The following PCDH19 variants were observed in gnomAD, a reference collection of about 807,000 sequenced individuals.
PCDH19 encodes the protein protocadherin 19.
In PCDH19, 6 loss-of-function variants were observed where a neutral mutation model predicts 46.2. That is an observed-to-expected ratio of 0.13 (90% CI 0.07 to 0.26). PCDH19 has a LOEUF of 0.26. Ranked by LOEUF, PCDH19 falls within the 10% of genes least tolerant of loss-of-function variation. The pLI is 1.00. For missense variants in PCDH19, 740 were observed against 972.3 expected (o/e 0.76, Z 3.18); for synonymous variants, 481 against 415.7 (o/e 1.16, Z -1.91).
At chrX:100,379,324 CACACACACACACACACACACACA>C (rs1056974620) in intron 3 of PCDH19, among the ~76,000 whole-genome samples, 3 of 4,369 alleles carry the variant, frequency 6.9e-4, no homozygotes, top group African/African-American at 7.3e-4. Flanking sequence ...CACACACACA[CACACACACACACACACACACACA>C]CATTTCCTCC....
At chrX:100,380,577 C>T (rs770386323) in intron 3 of PCDH19, among the ~76,000 whole-genome samples, 4 of 111,461 alleles carry the variant, frequency 3.6e-5, no homozygotes, top group Non-Finnish European at 5.7e-5. Flanking sequence ...GTAAAGCAAA[C>T]TAAACTATTC....
chrX:100,306,733 T>C (rs1018164356), intron 5 of PCDH19, among the ~76,000 whole-genome samples: 1 of 110,881 alleles, frequency 9.0e-6, no homozygotes, highest in Non-Finnish European at 1.9e-5. Flanking sequence ...GATATATTAC[T>C]ACTGATACCA....
chrX:100,333,186 A>AG (rs1491385204), intron 5 of PCDH19, among the ~76,000 whole-genome samples: 119 of 47,508 alleles, frequency 2.5e-3, no homozygotes, highest in Admixed American at 7.5e-3. Flanking sequence ...AGAGAGAGAG[A>AG]AAGAAAGAAA....
chrX:100,309,154 GCACACA>G (rs55663829), intron 5 of PCDH19, among the ~76,000 whole-genome samples: 1 of 81,768 alleles, frequency 1.2e-5, no homozygotes, highest in African/African-American at 4.5e-5. Context: ...TGTGATGCAT[GCACACA>G]CACACACACA....
intron 5 of PCDH19, among the ~76,000 whole-genome samples, chrX:100,305,192 C>T (rs1255967551): frequency 8.9e-6 from 1 of 111,990 alleles, no homozygotes; most frequent in Non-Finnish European, 1.9e-5. Flanking sequence ...AAGTAACCTA[C>T]AAAGGAAAAC....
intron 3 of PCDH19, among the ~76,000 whole-genome samples, chrX:100,398,545 C>T (rs1387655897): frequency 2.7e-5 from 3 of 112,027 alleles, no homozygotes; most frequent in African/African-American, 9.7e-5. Context: ...TAGGAGTCTA[C>T]AAAGCGACAG....
At chrX:100,362,554 G>A (rs1926920384) in intron 3 of PCDH19, among the ~76,000 whole-genome samples, 1 of 110,136 alleles carries the variant, frequency 9.1e-6, no homozygotes, top group Non-Finnish European at 1.9e-5. Context: ...AGCACTTTGG[G>A]AGGCCGAGGT....
intron 4 of PCDH19, among the ~76,000 whole-genome samples, chrX:100,349,645 A>G (rs1202929632): frequency 8.9e-6 from 1 of 112,492 alleles, no homozygotes; most frequent in East Asian, 2.8e-4. Context: ...TCTCTGCTAC[A>G]GCTCTAACAT....
intron 5 of PCDH19, among the ~76,000 whole-genome samples, chrX:100,312,549 A>G (rs953212605): frequency 8.9e-6 from 1 of 111,754 alleles, no homozygotes; most frequent in Non-Finnish European, 1.9e-5. Context: ...AAAGTAAGCT[A>G]TATTTTTTCA....
chrX:100,401,889 A>G (rs1281061587), intron 3 of PCDH19, among the ~76,000 whole-genome samples: 1 of 111,691 alleles, frequency 9.0e-6, no homozygotes, highest in African/African-American at 3.3e-5. Flanking sequence ...AGCCACTGCA[A>G]CCAGCCAACT....
At chrX:100,345,034 G>A (rs1926356584) in intron 4 of PCDH19, among the ~76,000 whole-genome samples, 1 of 110,188 alleles carries the variant, frequency 9.1e-6, no homozygotes, top group Admixed American at 9.8e-5. Context: ...CACTTCATCT[G>A]TGTGACCCTG....
At chrX:100,406,401 G>A in intron 1 of PCDH19, 50 bp downstream of exon 1, 1 of 987,863 alleles carries the variant, frequency 1.0e-6, no homozygotes, top group Non-Finnish European at 1.4e-6. Flanking sequence ...CAGAGACACA[G>A]ATAAACACAC....
At chrX:100,401,800 G>C (rs1219800623) in intron 3 of PCDH19, among the ~76,000 whole-genome samples, 2 of 110,249 alleles carry the variant, frequency 1.8e-5, no homozygotes. Context: ...TATTGCCCAG[G>C]CTGGCAAGCT....
intron 5 of PCDH19, 81 bp from the exon 6 acceptor site, chrX:100,296,956 A>C (rs1372244516): frequency 1.1e-6 from 1 of 916,278 alleles, no homozygotes; most frequent in Admixed American, 2.2e-5. Flanking sequence ...GGTTTCTTAG[A>C]TATCCACAGG....
chrX:100,387,653 T>C (rs1927752630), intron 3 of PCDH19, among the ~76,000 whole-genome samples: 1 of 111,931 alleles, frequency 8.9e-6, no homozygotes, highest in African/African-American at 3.2e-5. Context: ...CCTCTCATTC[T>C]AAAAATAAAG....
intron 5 of PCDH19, among the ~76,000 whole-genome samples, chrX:100,325,373 T>TC (rs925258626): frequency 4.9e-5 from 5 of 101,272 alleles, no homozygotes; most frequent in African/African-American, 1.8e-4. Context: ...AATGATCTTT[T>TC]TTTTTTTTTT....
chrX:100,372,007 C>T (rs775502919), intron 3 of PCDH19, among the ~76,000 whole-genome samples: 7 of 111,748 alleles, frequency 6.3e-5, no homozygotes, highest in Admixed American at 5.7e-4. Context: ...GATGCCAAGG[C>T]GGATGGATCA....
At chrX:100,359,792 AGTGT>A (rs200497239) in intron 3 of PCDH19, among the ~76,000 whole-genome samples, 5,681 of 91,594 alleles carry the variant, frequency 0.062, 265 homozygotes, top group East Asian at 0.46. Context: ...CACATATAAG[AGTGT>A]GTGTGTGTGT....
In PCDH19 at chrX:100,406,632, C is replaced by A; in HGVS notation, c.1966G>T (p.Ala656Ser). The change falls in exon 1 of 6, where the codon GCT (alanine) becomes TCT (serine). Residue 656 changes from alanine (A) to serine (S), a missense_variant. Around this residue, in one of 5 missense-constraint regions of PCDH19, gnomAD observed 416 missense variants for 476.8 expected, o/e 0.87. Coordinates refer to ENST00000373034, the MANE Select transcript of PCDH19 (RefSeq NM_001184880.2). Reference sequence around the variant, plus strand: ...GGGGACAAGTAGATTAGGACGAGAGCAGAGGCAGAGAGAGATGTCTTGCCG... The same window carrying A: ...GGGGACAAGTAGATTAGGACGAGAGAAGAGGCAGAGAGAGATGTCTTGCCG... ...DHGKTSLSAS[A>S]LVLIYLSPAL... 8.3e-7 allele frequency: 1 copy of A among 1,211,598 alleles called. No individual in the cohort carries two copies. The highest frequency in any genetic ancestry group is 1.1e-6 in the Non-Finnish European group (1 of 895,408).
Sources: allele counts gnomAD v4.1 joint callset (sites outside exome capture counted in the v4.1 genomes callset), GRCh38; gene constraint gnomAD v4.1.1; regional missense constraint gnomAD v4.1.1; transcripts MANE v1.5; gene names NCBI Gene and HGNC (gene_info 2026-07-23, HGNC 2026-07-21).